PLCE1: variants seen among roughly 807,000 people sequenced by gnomAD.
PLCE1 encodes phospholipase C epsilon 1, also known as 1-phosphatidylinositol 4,5-bisphosphate phosphodiesterase epsilon-1.
In PLCE1, 119 loss-of-function variants were observed where a neutral mutation model predicts 242.8. The observed-to-expected ratio is 0.49, with a 90% CI of 0.42 to 0.57. PLCE1 has a LOEUF of 0.57. PLCE1 is among the 20% of genes least tolerant of loss of function. The probability of loss-of-function intolerance (pLI) is 0.00; values close to 1 mark genes in which losing one functional copy is unlikely to be tolerated. For missense variants in PLCE1, 2,441 were observed against 2,788.8 expected, an observed-to-expected ratio of 0.88 and a Z score of 2.81; for synonymous variants, 945 against 1,017.4, an observed-to-expected ratio of 0.93 and a Z score of 1.35.
intron 4 of PLCE1, among the ~76,000 whole-genome samples, chr10:94,179,525 T>TA: frequency 1.8e-5 from 1 of 56,820 alleles, no homozygotes; most frequent in African/African-American, 5.9e-5. Context: ...TTTTTTTTTT[T>TA]TTTTTGACAG....
intron 3 of PLCE1, among the ~76,000 whole-genome samples, chr10:94,155,351 C>A (rs1353235459): frequency 3.3e-5 from 5 of 152,114 alleles, no homozygotes; most frequent in Non-Finnish European, 5.9e-5. Context: ...ACCTTGAAAT[C>A]ATTATGCTAA....
intron 7 of PLCE1, among the ~76,000 whole-genome samples, chr10:94,239,269 A>T (rs977617127): frequency 3.3e-5 from 5 of 152,294 alleles, no homozygotes; most frequent in African/African-American, 1.2e-4. Context: ...CAAGGGAGAG[A>T]CCAGGTGGAG....
At chr10:94,294,047 T>C (rs1334150673) in intron 23 of PLCE1, among the ~76,000 whole-genome samples, 3 of 152,112 alleles carry the variant, frequency 2.0e-5, no homozygotes. Context: ...GCAGAGGTTG[T>C]GGTGAGCTGA....
intron 2 of PLCE1, among the ~76,000 whole-genome samples, chr10:94,044,402 CAT>C (rs1290595542): frequency 6.6e-6 from 1 of 152,080 alleles, no homozygotes; most frequent in East Asian, 1.9e-4. Flanking sequence ...TCCATATTGA[CAT>C]GTGATTATAA....
chr10:94,107,416 C>T (rs2045790561), intron 2 of PLCE1, among the ~76,000 whole-genome samples: 1 of 152,106 alleles, frequency 6.6e-6, no homozygotes, highest in Non-Finnish European at 1.5e-5. Flanking sequence ...TAGGAATGGT[C>T]TGTCTGGAAG....
intron 16 of PLCE1, 90 bp from the exon 17 acceptor site, chr10:94,268,839 T>A (rs1162620204): frequency 2.6e-6 from 2 of 769,762 alleles, no homozygotes; most frequent in Non-Finnish European, 4.7e-6. Flanking sequence ...GTGTAAACAC[T>A]GCCTGATATG....
At chr10:94,021,207 G>T in intron 1 of PLCE1, among the ~76,000 whole-genome samples, 1 of 146,996 alleles carries the variant, frequency 6.8e-6, no homozygotes, top group African/African-American at 2.5e-5. Flanking sequence ...CCCGGTCTGT[G>T]TCTTACCTTT....
chr10:94,107,482 C>T (rs2045793789), intron 2 of PLCE1: 2 of 152,090 alleles, frequency 1.3e-5, no homozygotes, highest in African/African-American at 4.8e-5. Context: ...TAGTGTAAAA[C>T]TACAAAGATA....
chr10:94,035,836 C>A (rs1465243860), intron 2 of PLCE1, among the ~76,000 whole-genome samples: 1 of 152,086 alleles, frequency 6.6e-6, no homozygotes, highest in Non-Finnish European at 1.5e-5. Flanking sequence ...GAATTACTTC[C>A]TTCAAAGATG....
chr10:94,135,002 A>T (rs144988035), intron 3 of PLCE1, among the ~76,000 whole-genome samples: 410 of 152,268 alleles, frequency 2.7e-3, no homozygotes, highest in Non-Finnish European at 5.1e-3. Context: ...CTGACTTACT[A>T]TCTTGGAAAC....
intron 1 of PLCE1, among the ~76,000 whole-genome samples, chr10:94,009,257 C>T (rs567210851): frequency 1.3e-5 from 2 of 152,114 alleles, no homozygotes; most frequent in South Asian, 2.1e-4. Context: ...AGGGGGAGGT[C>T]TCAGACTCTT....
At chr10:94,014,250 T>C (rs1393936422) in intron 1 of PLCE1, among the ~76,000 whole-genome samples, 1 of 152,150 alleles carries the variant, frequency 6.6e-6, no homozygotes, top group African/African-American at 2.4e-5. Flanking sequence ...GAGGTTAGGA[T>C]CCTGCCATCT....
At chr10:94,197,168 AC>A (rs1564779296) in intron 4 of PLCE1, among the ~76,000 whole-genome samples, 1 of 152,200 alleles carries the variant, frequency 6.6e-6, no homozygotes, top group African/African-American at 2.4e-5. Flanking sequence ...ATGAATCAGT[AC>A]TTCATTTCTT....
At chr10:94,162,713 G>A (rs908856987) in intron 3 of PLCE1, among the ~76,000 whole-genome samples, 11 of 152,122 alleles carry the variant, frequency 7.2e-5, no homozygotes, top group South Asian at 2.1e-4. Context: ...GAATGTGTTC[G>A]CTCTTGTTTC....
In PLCE1 at chr10:94,316,685, A is replaced by C; in HGVS notation, c.6271A>C (p.Met2091Leu). 1 of 1,613,924 alleles carries C rather than the reference A, an allele frequency of 6.2e-7. No homozygotes were observed. Among genetic ancestry groups the C allele is most frequent in the Non-Finnish European group, 8.5e-7 (1 of 1,179,760 alleles). Residue 2091 changes from methionine to leucine, a missense_variant, in exon 29 of 33, where the codon ATG becomes CTG. Met to Leu is a conservative substitution (Grantham distance 15). Around this residue, in one of 5 missense-constraint regions of PLCE1, gnomAD observed 310 missense variants for 317.2 expected, o/e 0.98. Coordinates refer to ENST00000371380, the MANE Select transcript of PLCE1 (RefSeq NM_016341.4). ...AGCCATTGGTCCAGAAGAGGAGATC[A>C]TGCAAATTTTAAGCAGCTGGTTTCC... ...QRAIGPEEEI[M>L]QILSSWFPEE...
intron 1 of PLCE1, among the ~76,000 whole-genome samples, chr10:94,023,517 T>G (rs1446620298): frequency 1.3e-5 from 2 of 152,178 alleles, no homozygotes; most frequent in African/African-American, 4.8e-5. Flanking sequence ...TCTATCCACT[T>G]CCACTCTTGG....
intron 2 of PLCE1, among the ~76,000 whole-genome samples, chr10:94,071,162 C>T (rs1462702359): frequency 5.3e-5 from 8 of 152,120 alleles, no homozygotes; most frequent in African/African-American, 1.4e-4. Flanking sequence ...TCCACCAAGA[C>T]GTAGTCATCC....
At chr10:94,264,420 C>T (rs938253596) in intron 14 of PLCE1, among the ~76,000 whole-genome samples, 3 of 151,652 alleles carry the variant, frequency 2.0e-5, no homozygotes, top group South Asian at 2.1e-4. Context: ...CCCAATCATC[C>T]GGGCCTTTTA....
At position 94,201,718 on chromosome 10, in the gene PLCE1, A is replaced by G. The variant is rs189813242; in HGVS notation, c.1810-25588A>G. 5.3e-5 allele frequency among the ~76,000 whole-genome samples: 8 copies of G among 152,262 alleles called. No individual in the cohort carries two copies. In the South Asian group the frequency reaches 6.2e-4, roughly 12 times the overall value. On this transcript the variant is annotated intron_variant, in intron 4 of 32. Transcript: ENST00000371380. ...ATGGTCTCGATCTCCTGACCTCGTG[A>G]TCCACCTGCCTCAGCCTCCCAAAGT...
Sources: allele counts gnomAD v4.1 joint callset (sites outside exome capture counted in the v4.1 genomes callset), GRCh38; gene constraint gnomAD v4.1.1; regional missense constraint gnomAD v4.1.1; transcripts MANE v1.5; gene names NCBI Gene and HGNC (gene_info 2026-07-23, HGNC 2026-07-21).